MON2: variants seen among roughly 807,000 people sequenced by gnomAD.
MON2 encodes the protein MON2 regulator of endosome-to-Golgi trafficking.
In MON2, 84 loss-of-function variants were observed where a neutral mutation model predicts 208.6. The ratio of observed to expected loss-of-function variants is 0.40; its 90% confidence interval spans 0.34 to 0.48. The LOEUF is 0.48. Ranked by LOEUF, MON2 falls within the 20% of genes least tolerant of loss-of-function variation. The pLI, the probability that MON2 is intolerant of heterozygous loss-of-function variation, is 0.59. For synonymous variants in MON2, 660 were observed against 694.0 expected, an observed-to-expected ratio of 0.95 and a Z score of 0.77; for missense variants, 1,611 against 2,015.4, an observed-to-expected ratio of 0.80 and a Z score of 3.84.
At position 62,484,178 on chromosome 12, in the gene MON2, A is replaced by G; in HGVS notation, c.120A>G (p.Glu40=). 6.3e-7 allele frequency: 1 copy of G among 1,596,616 alleles called. No homozygotes were observed. Among genetic ancestry groups the G allele is most frequent in the East Asian group, 2.3e-5 (1 of 44,422 alleles). ...TATTTTTATTCTTGCAGGCTGCTGA[A>G]TCAGGAATAATAAAAGTTAAAACAA... is the stretch of plus-strand genomic sequence containing the variant. ...KKFPPVKEAA[E]SGIIKVKTIA... is the part of the protein sequence containing the mutation. Residue 40 remains glutamate, a synonymous_variant, in exon 2 of 35, where the codon GAA becomes GAG. Coordinates refer to ENST00000393630, the MANE Select transcript of MON2 (RefSeq NM_015026.3).
intron 23 of MON2, 73 bp downstream of exon 23, chr12:62,549,903 C>A (rs1592368382): frequency 1.0e-6 from 1 of 988,226 alleles, no homozygotes; most frequent in Non-Finnish European, 1.4e-6. Flanking sequence ...GAATGCTAAG[C>A]AAATATACTT....
intron 6 of MON2, 96 bp from the exon 7 acceptor site, chr12:62,501,477 A>G (rs2070829333): frequency 4.9e-6 from 7 of 1,426,594 alleles, no homozygotes; most frequent in South Asian, 3.9e-5. Context: ...CATGTATTAT[A>G]TAAGAAGATA....
At chr12:62,495,196 G>C (rs200176981) in intron 4 of MON2, 49 bp downstream of exon 4, 4 of 1,501,144 alleles carry the variant, frequency 2.7e-6, no homozygotes, top group Admixed American at 2.1e-5. Flanking sequence ...GACAGTATTT[G>C]AATAAGCTGG....
chr12:62,516,368 T>C (rs985868030), intron 8 of MON2, among the ~76,000 whole-genome samples: 3 of 152,040 alleles, frequency 2.0e-5, no homozygotes, highest in African/African-American at 7.3e-5. Flanking sequence ...TAGTATTTGA[T>C]AGCACAACAG....
intron 10 of MON2, among the ~76,000 whole-genome samples, chr12:62,525,600 G>A (rs1345620925): frequency 1.3e-5 from 2 of 152,180 alleles, no homozygotes; most frequent in South Asian, 2.1e-4. Context: ...GAATCTGTAT[G>A]GTTTGTTGTT....
intron 34 of MON2, among the ~76,000 whole-genome samples, 170 bp from the exon 35 acceptor site, chr12:62,592,416 A>G (rs1038901555): frequency 6.6e-6 from 1 of 152,218 alleles, no homozygotes; most frequent in Non-Finnish European, 1.5e-5. Context: ...ACCTTATTAA[A>G]TATAGCAGGA....
chr12:62,484,058 G>A, intron 1 of MON2, 112 bp from the exon 2 acceptor site: 2 of 720,846 alleles, frequency 2.8e-6, no homozygotes, highest in South Asian at 1.8e-5. Context: ...AAAGGTGGTA[G>A]GGTAGTGACT....
At position 62,577,034 on chromosome 12, in the gene MON2, T is replaced by C. The variant is rs551760615; in HGVS notation, c.4515-1411T>C. 9.9e-5 allele frequency among the ~76,000 whole-genome samples: 15 copies of C among 152,092 alleles called. 1 individual carries two copies. Among genetic ancestry groups the C allele is most frequent in the African/African-American group, 2.9e-4 (12 of 41,534 alleles). ...ATTTTATTATTTTTGCCTCTTCATT[T>C]TTTGTTGATCATCAACTCATCCTTA... is the stretch of plus-strand genomic sequence containing the variant. On this transcript the variant is annotated intron_variant, in intron 30 of 34. Transcript: ENST00000393630.
At chr12:62,577,865 C>A (rs571182830) in intron 30 of MON2, among the ~76,000 whole-genome samples, 70 of 152,250 alleles carry the variant, frequency 4.6e-4, no homozygotes, top group African/African-American at 1.3e-3. Context: ...TTATGAGCCA[C>A]AGAGTCTGGA....
At chr12:62,526,719 TA>T (rs934191841) in intron 11 of MON2, among the ~76,000 whole-genome samples, 3 of 152,194 alleles carry the variant, frequency 2.0e-5, no homozygotes, top group Admixed American at 6.5e-5. Flanking sequence ...TCTTAAGTCT[TA>T]ATGAGATACA....
intron 30 of MON2, among the ~76,000 whole-genome samples, chr12:62,577,603 T>C (rs979906349): frequency 6.6e-6 from 1 of 152,106 alleles, no homozygotes; most frequent in East Asian, 1.9e-4. Context: ...GATTGTGGCC[T>C]CATCATTTAC....
At chr12:62,580,019 C>T (rs1443115925) in intron 31 of MON2, among the ~76,000 whole-genome samples, 1 of 152,070 alleles carries the variant, frequency 6.6e-6, no homozygotes, top group Admixed American at 6.5e-5. Context: ...CTCTAGAGCC[C>T]TATTTGCAGT....
intron 11 of MON2, among the ~76,000 whole-genome samples, chr12:62,526,588 A>C (rs1305827291): frequency 6.6e-6 from 1 of 152,074 alleles, no homozygotes; most frequent in South Asian, 2.1e-4. Flanking sequence ...ACACATGAAA[A>C]TTTTAGTTTT....
At position 62,532,584 on chromosome 12, in the gene MON2, C is replaced by T; in HGVS notation, c.1547C>T (p.Thr516Ile). ...ELGELETECQTTTEEGSSPTQ... is the reference protein window; with the variant it reads ...ELGELETECQITTEEGSSPTQ... Reference sequence around the variant, plus strand: ...GGAGAGCTTGAAACAGAATGTCAAACCACCACTGAAGAAGGTTCTTCACCA... The same window carrying T: ...GGAGAGCTTGAAACAGAATGTCAAATCACCACTGAAGAAGGTTCTTCACCA... The change falls in exon 12 of 35, where the codon ACC becomes ATC. Residue 516 changes from threonine (T) to isoleucine (I), a missense_variant. By Grantham distance (89) the Thr-to-Ile change is moderately conservative. Coordinates refer to ENST00000393630, the MANE Select transcript of MON2 (RefSeq NM_015026.3). The T allele has an allele frequency of 6.2e-7, 1 of 1,614,066 alleles. No homozygotes were observed. Among genetic ancestry groups the T allele is most frequent in the East Asian group, 2.2e-5 (1 of 44,864 alleles).
chr12:62,600,276 C>CTA lies in MON2; in HGVS notation c.*7527_*7528insTA, dbSNP rs1387901158. The CTA allele has an allele frequency of 6.6e-6, 1 of 152,204 alleles. No individual in the cohort carries two copies. The highest frequency in any genetic ancestry group is 1.5e-5 in the Non-Finnish European group (1 of 68,036). The allele number at this position is 152,204 out of a possible 1,614,324, so 9.4% of individuals were successfully genotyped here. A position where few individuals can be genotyped will look rare whatever the true frequency, so the allele number is the denominator to read the frequency against. On this transcript the variant is annotated 3_prime_UTR_variant, in exon 35 of 35. Coordinates refer to ENST00000393630, the MANE Select transcript of MON2 (RefSeq NM_015026.3). ...TGGCCAGAAAATCCATGTCTTCCCA[C>CTA]AATAGGGACCAATTTTTTGCCTTTC...
At chr12:62,590,740 G>C (rs528317280) in intron 34 of MON2, among the ~76,000 whole-genome samples, 5 of 152,270 alleles carry the variant, frequency 3.3e-5, no homozygotes, top group Admixed American at 6.5e-5. Flanking sequence ...GAGTGCAGTG[G>C]TGCTATCTCA....
At chr12:62,571,185 A>C (rs527464230) in intron 29 of MON2, among the ~76,000 whole-genome samples, 23 of 152,334 alleles carry the variant, frequency 1.5e-4, no homozygotes, top group African/African-American at 5.3e-4. Flanking sequence ...TAGAGATAGG[A>C]TTTAAAAGTA....
intron 24 of MON2, among the ~76,000 whole-genome samples, chr12:62,553,795 T>G (rs527752631): frequency 1.3e-3 from 196 of 152,340 alleles, no homozygotes; most frequent in African/African-American, 4.5e-3. Context: ...TCATCTTTTT[T>G]GTTCCATCTG....
At chr12:62,523,964 C>A (rs879306461) in intron 8 of MON2, among the ~76,000 whole-genome samples, 3 of 152,082 alleles carry the variant, frequency 2.0e-5, no homozygotes, top group Non-Finnish European at 2.9e-5. Flanking sequence ...ATATTAGCAA[C>A]AACAGTAATG....
Sources: allele counts gnomAD v4.1 joint callset (sites outside exome capture counted in the v4.1 genomes callset), GRCh38; gene constraint gnomAD v4.1.1; transcripts MANE v1.5; gene names NCBI Gene and HGNC (gene_info 2026-07-23, HGNC 2026-07-21).